The following RBFOX1 variants were observed in gnomAD, a reference collection of about 807,000 sequenced individuals.
RBFOX1 encodes the protein RNA binding protein fox-1 homolog 1.
Under a neutral mutation model 57.7 loss-of-function variants are expected in RBFOX1, and 8 were observed. The ratio of observed to expected loss-of-function variants is 0.14; its 90% CI spans 0.08 to 0.25. The LOEUF is 0.25. RBFOX1 is among the 10% of genes least tolerant of loss of function. The pLI is 1.00. For synonymous variants in RBFOX1, 326 were observed against 222.4 expected (o/e 1.47, Z -4.15); for missense variants, 611 against 548.5 (o/e 1.11, Z -1.14).
intron 4 of RBFOX1, among the ~76,000 whole-genome samples, chr16:7,440,728 G>A (rs928562065): frequency 6.6e-6 from 1 of 152,076 alleles, no homozygotes; most frequent in East Asian, 1.9e-4. Context: ...TGGGGAGGAG[G>A]GAAGAAGGAA....
At chr16:7,420,938 TAC>T (rs917264873) in intron 4 of RBFOX1, among the ~76,000 whole-genome samples, 42 of 140,114 alleles carry the variant, frequency 3.0e-4, no homozygotes, top group African/African-American at 4.5e-4. Context: ...CATATATATA[TAC>T]ACACACACAC....
chr16:6,373,726 G>A (rs1490022696), intron 2 of RBFOX1, among the ~76,000 whole-genome samples: 1 of 152,174 alleles, frequency 6.6e-6, no homozygotes, highest in African/African-American at 2.4e-5. Context: ...GGTTGGATGA[G>A]AGGAGTTGTT....
At chr16:6,957,527 A>C (rs920984714) in intron 3 of RBFOX1, among the ~76,000 whole-genome samples, 3 of 151,866 alleles carry the variant, frequency 2.0e-5, no homozygotes, top group African/African-American at 7.3e-5. Flanking sequence ...TGCTGGGGGG[A>C]GTGTAGCAGT....
At chr16:7,039,221 G>A (rs1001212405) in intron 3 of RBFOX1, among the ~76,000 whole-genome samples, 2 of 152,154 alleles carry the variant, frequency 1.3e-5, no homozygotes, top group Non-Finnish European at 2.9e-5. Flanking sequence ...TGGGTTTATT[G>A]TGCAAGTTTA....
chr16:5,491,087 C>G (rs79571980), intron 2 of RBFOX1, among the ~76,000 whole-genome samples: 1,912 of 152,286 alleles, frequency 0.013, 25 homozygotes, highest in Non-Finnish European at 0.02. Flanking sequence ...GTACCTGCTT[C>G]ATTATAATCT....
chr16:6,634,605 T>A (rs1469616380), intron 2 of RBFOX1, among the ~76,000 whole-genome samples: 3 of 146,976 alleles, frequency 2.0e-5, no homozygotes, highest in African/African-American at 4.9e-5. Context: ...TTAATCTATG[T>A]AATATATGAT....
chr16:5,731,659 G>A (rs2052378327), intron 3 of RBFOX1, among the ~76,000 whole-genome samples: 1 of 152,144 alleles, frequency 6.6e-6, no homozygotes, highest in Admixed American at 6.5e-5. Flanking sequence ...AGTGAAAAAG[G>A]GAGAGCTATT....
At chr16:7,105,797 G>T (rs2063485679) in intron 4 of RBFOX1, among the ~76,000 whole-genome samples, 2 of 152,078 alleles carry the variant, frequency 1.3e-5, no homozygotes, top group South Asian at 2.1e-4. Flanking sequence ...GAGATAGATA[G>T]ATAGAGATAT....
At chr16:6,345,669 C>G (rs2085268895) in intron 2 of RBFOX1, among the ~76,000 whole-genome samples, 2 of 152,174 alleles carry the variant, frequency 1.3e-5, no homozygotes, top group South Asian at 2.1e-4. Context: ...TCGAGTTTCT[C>G]CCTTCATGGA....
intron 2 of RBFOX1, among the ~76,000 whole-genome samples, chr16:6,372,132 G>C (rs950088145): frequency 6.6e-6 from 1 of 151,866 alleles, no homozygotes. Flanking sequence ...TGGGTGGGAG[G>C]ATAGTTCTTT....
chr16:5,996,795 C>T (rs1278565377), intron 4 of RBFOX1, among the ~76,000 whole-genome samples: 1 of 152,180 alleles, frequency 6.6e-6, no homozygotes, highest in Non-Finnish European at 1.5e-5. Context: ...ACCCTCTTTC[C>T]TTTCTCCATC....
At chr16:5,354,113 C>T (rs1230683850) in intron 1 of RBFOX1, among the ~76,000 whole-genome samples, 3 of 152,166 alleles carry the variant, frequency 2.0e-5, no homozygotes, top group East Asian at 3.9e-4. Context: ...AGGATCCCCT[C>T]CTCCATCTGA....
intron 1 of RBFOX1, among the ~76,000 whole-genome samples, chr16:6,177,650 A>C: frequency 6.6e-6 from 1 of 152,192 alleles, no homozygotes; most frequent in Admixed American, 6.5e-5. Flanking sequence ...AGATGCTCAA[A>C]TGAACATTTG....
chr16:5,343,219 C>G (rs1342490470), intron 1 of RBFOX1, among the ~76,000 whole-genome samples: 1 of 149,496 alleles, frequency 6.7e-6, no homozygotes, highest in African/African-American at 2.4e-5. Flanking sequence ...GTTGCTTGAT[C>G]AAACCATACC....
chr16:5,256,071 G>A (rs1188170989), intron 1 of RBFOX1, among the ~76,000 whole-genome samples: 2 of 152,076 alleles, frequency 1.3e-5, no homozygotes, highest in Admixed American at 6.6e-5. Context: ...GAGAACATAC[G>A]AAAGACACAT....
In RBFOX1 at chr16:5,289,118, C is replaced by G. The variant is rs1206212690; in HGVS notation, c.219+49013C>G. ...CCAGCCTGGGTGACAGAGGAAGACT[C>G]TGTCTCAAAAAACAAAAAAAACACA... On this transcript the variant is annotated intron_variant, in intron 1 of 2. Coordinates refer to the RBFOX1 transcript ENST00000585867. 2.6e-5 allele frequency: 5 copies of G among 190,368 alleles called. No individual in the cohort carries two copies. In the East Asian group the frequency reaches 4.7e-4, roughly 18 times the overall value. 11.8% of individuals were successfully genotyped at this position (190,368 alleles called of 1,614,324 possible).
chr16:7,410,903 C>T (rs971576774), intron 4 of RBFOX1, among the ~76,000 whole-genome samples: 2 of 151,016 alleles, frequency 1.3e-5, no homozygotes, highest in South Asian at 2.1e-4. Flanking sequence ...CTAATAAGTT[C>T]CATCGATCTA....
intron 2 of RBFOX1, among the ~76,000 whole-genome samples, chr16:6,555,232 C>G (rs1418536359): frequency 6.6e-6 from 1 of 152,174 alleles, no homozygotes; most frequent in African/African-American, 2.4e-5. Context: ...CAGGTAAGAT[C>G]CAAGTATACA....
At chr16:6,325,380 TG>T (rs1201419121) in intron 2 of RBFOX1, among the ~76,000 whole-genome samples, 2 of 152,194 alleles carry the variant, frequency 1.3e-5, no homozygotes, top group Admixed American at 6.5e-5. Context: ...CTAAGAATTA[TG>T]GATAATGAAA....
Sources: gnomAD v4.1 joint callset for allele counts (sites outside exome capture counted in the v4.1 genomes callset) on GRCh38, gnomAD v4.1.1 for gene constraint, MANE v1.5 for transcripts, NCBI Gene and HGNC (gene_info 2026-07-23, HGNC 2026-07-21) for gene names.